The following PRKCZ variants were observed in gnomAD, a reference collection of about 807,000 sequenced individuals.
The protein encoded by PRKCZ is protein kinase C zeta.
Under a neutral mutation model 79.5 loss-of-function variants are expected in PRKCZ, and 33 were observed. The ratio of observed to expected loss-of-function variants is 0.41; its 90% CI spans 0.31 to 0.55. The LOEUF is 0.55. Ranked by LOEUF, PRKCZ falls within the 20% of genes least tolerant of loss-of-function variation. The pLI is 0.19. For synonymous variants in PRKCZ, 342 were observed against 320.9 expected (o/e 1.07, Z -0.70); for missense variants, 578 against 813.5 (o/e 0.71, Z 3.52).
At chr1:2,146,182 C>A in intron 7 of PRKCZ, 74 bp downstream of exon 7, 10 of 1,420,290 alleles carry the variant, frequency 7.0e-6, no homozygotes, top group Non-Finnish European at 9.9e-6. Flanking sequence ...CTTCTAGCCA[C>A]GAGTCCTTTC....
intron 8 of PRKCZ, 118 bp from the exon 9 acceptor site, chr1:2,150,672 A>G (rs569517278): frequency 2.9e-6 from 3 of 1,043,694 alleles, no homozygotes; most frequent in South Asian, 3.2e-5. Flanking sequence ...GACTCGAATC[A>G]TGAGGCCCTG....
rs72916809 is a variant in PRKCZ at position 2,103,147 on chromosome 1, C to T, written c.335-32115C>T. 5.6e-3 allele frequency among the ~76,000 whole-genome samples: 846 copies of T among 152,294 alleles called. 11 individuals carry two copies. Among genetic ancestry groups the T allele is most frequent in the African/African-American group, 0.02 (811 of 41,568 alleles). On this transcript the variant is annotated intron_variant, in intron 4 of 17. Coordinates refer to ENST00000378567, the MANE Select transcript of PRKCZ (RefSeq NM_002744.6). ...CCCAAAGTACTGGGAGCCACCACGCCGGGCTAGACTGTGGGGTTTTTGGGG... is the reference window on the plus strand; with the variant it reads ...CCCAAAGTACTGGGAGCCACCACGCTGGGCTAGACTGTGGGGTTTTTGGGG...
chr1:2,056,615 TC>T (rs751063953), intron 3 of PRKCZ, 42 bp downstream of exon 3: 2 of 1,560,556 alleles, frequency 1.3e-6, no homozygotes, highest in East Asian at 2.3e-5. Context: ...GGGGGGCTGT[TC>T]CTGGCTGTGG....
intron 10 of PRKCZ, among the ~76,000 whole-genome samples, chr1:2,167,059 G>T (rs1454921441): frequency 6.6e-6 from 1 of 152,230 alleles, no homozygotes; most frequent in Non-Finnish European, 1.5e-5. Context: ...GTCCTGGTGG[G>T]TTTTTGCTCT....
In PRKCZ at chr1:2,055,445, ATCT is replaced by A. The variant is rs1339282285; in HGVS notation, c.79_81del (p.Phe27del). On this transcript the variant is annotated inframe_deletion, in exon 2 of 18. Transcript: ENST00000378567. ...CCCATGTCCCCTCTGCCCCAGGGAC[ATCT>A]TCATCACCAGCGTGGACGCCGCCAC... 2 of 1,611,624 alleles carry A rather than the reference ATCT, an allele frequency of 1.2e-6. No homozygotes were observed. Among genetic ancestry groups the A allele is most frequent in the South Asian group, 1.1e-5 (1 of 90,866 alleles).
At chr1:2,104,632 G>T in intron 4 of PRKCZ, 1 of 968,550 alleles carries the variant, frequency 1.0e-6, no homozygotes, top group Non-Finnish European at 1.2e-6. Context: ...GTGGAGCCCA[G>T]GCAGGGAGCA....
At chr1:2,112,817 A>G (rs1467354042) in intron 4 of PRKCZ, among the ~76,000 whole-genome samples, 1 of 151,982 alleles carries the variant, frequency 6.6e-6, no homozygotes, top group African/African-American at 2.4e-5. Context: ...AGCCTCCCAA[A>G]TAGCTGGGAC....
At position 2,107,831 on chromosome 1, in the gene PRKCZ, G is replaced by A. The variant is rs560463586; in HGVS notation, c.335-27431G>A. On this transcript the variant is annotated intron_variant, in intron 4 of 17. Transcript: ENST00000378567. ...CGGGAGCCCCCAACACCCCAACAGC[G>A]TCCAGGGATTCCCCCCAGGGCAGTG... 1.2e-4 allele frequency among the ~76,000 whole-genome samples: 17 copies of A among 147,614 alleles called. No individual in the cohort carries two copies. The East Asian group carries it at 1.8e-3, about 15-fold the overall frequency.
chr1:2,144,348 G>T lies in PRKCZ; in HGVS notation c.552+7G>T. 6.4e-7 allele frequency: 1 copy of T among 1,567,164 alleles called. No individual in the cohort carries two copies. The highest frequency in any genetic ancestry group is 2.3e-5 in the East Asian group (1 of 43,282). On this transcript the variant is annotated splice_region_variant and intron_variant, in intron 6 of 17. Transcript: ENST00000378567. ...GACCTGCAGGAAGCATATGGTGAGT[G>T]GCAGGGCTGGGGAGGCCCGGGGGGC...
At position 2,127,161 on chromosome 1, in the gene PRKCZ, A is replaced by C. The variant is rs1345061640; in HGVS notation, c.335-8101A>C. ...CCTGGGCTGTGGCTGCCAGTCCCCA[A>C]AACAGACCCTGCGCCCCGGGCAACC... On this transcript the variant is annotated intron_variant, in intron 4 of 17. Coordinates refer to ENST00000378567, the MANE Select transcript of PRKCZ (RefSeq NM_002744.6). This position sits in a 1 kb window ranked among gnomAD's most constrained non-coding sequence, Gnocchi z 5.1. 6.6e-6 allele frequency among the ~76,000 whole-genome samples: 1 copy of C among 152,208 alleles called. No individual in the cohort carries two copies. Among genetic ancestry groups the C allele is most frequent in the African/African-American group, 2.4e-5 (1 of 41,450 alleles).
intron 16 of PRKCZ, among the ~76,000 whole-genome samples, chr1:2,181,504 G>T (rs770621595): frequency 6.6e-6 from 1 of 152,212 alleles, no homozygotes; most frequent in African/African-American, 2.4e-5. Flanking sequence ...TGGGTTGGGC[G>T]CAGGGGGCGG....
At chr1:2,066,104 A>T (rs536084439) in intron 4 of PRKCZ, among the ~76,000 whole-genome samples, 5 of 152,318 alleles carry the variant, frequency 3.3e-5, no homozygotes, top group Non-Finnish European at 7.3e-5. Context: ...GGACAATTAC[A>T]TCTGTGTTAA....
chr1:2,051,299 G>A (rs912773976), intron 1 of PRKCZ, among the ~76,000 whole-genome samples: 1 of 152,222 alleles, frequency 6.6e-6, no homozygotes, highest in African/African-American at 2.4e-5. Flanking sequence ...AGGGGGCGCG[G>A]TCAGGTGCTG....
chr1:2,071,967 T>C (rs1312329384), intron 4 of PRKCZ, among the ~76,000 whole-genome samples: 3 of 152,190 alleles, frequency 2.0e-5, no homozygotes, highest in Non-Finnish European at 4.4e-5. Flanking sequence ...TATAGACTCT[T>C]CCGGTGTTTC....
chr1:2,145,973 G>A, intron 6 of PRKCZ, 54 bp from the exon 7 acceptor site: 1 of 1,480,776 alleles, frequency 6.8e-7, no homozygotes, highest in Non-Finnish European at 9.4e-7. Context: ...AAGCTACATT[G>A]TAACACCTGC....
At chr1:2,159,473 C>T (rs543396624) in intron 10 of PRKCZ, among the ~76,000 whole-genome samples, 5 of 152,368 alleles carry the variant, frequency 3.3e-5, no homozygotes, top group South Asian at 2.1e-4. Flanking sequence ...TCGCTCTGGG[C>T]GGCCTCACAG....
At chr1:2,175,141 A>G (rs1685191701) in intron 15 of PRKCZ, 83 bp from the exon 16 acceptor site, 3 of 1,199,738 alleles carry the variant, frequency 2.5e-6, no homozygotes. Flanking sequence ...GCTTGTCAGC[A>G]CTGGGAGTGG....
In PRKCZ at chr1:2,073,333, G is replaced by C. The variant is rs16824680; in HGVS notation, c.334+13742G>C. 474 of 152,578 alleles carry C rather than the reference G, an allele frequency of 3.1e-3. 22 individuals carry two copies. In the East Asian group the frequency reaches 0.078, roughly 25 times the overall value. 9.5% of individuals were successfully genotyped at this position (152,578 alleles called of 1,614,324 possible). A position where few individuals can be genotyped will look rare whatever the true frequency, so the allele number is the denominator to read the frequency against. On this transcript the variant is annotated intron_variant, in intron 4 of 17. Transcript: ENST00000378567. ...AGGCCCCTATGCCTCCTCTCCTCCC[G>C]CTCCGTTCCTGGGCTGCGGGACAGT...
intron 5 of PRKCZ, among the ~76,000 whole-genome samples, 181 bp downstream of exon 5, chr1:2,135,528 C>T (rs1056702837): frequency 2.0e-5 from 3 of 152,198 alleles, no homozygotes; most frequent in Non-Finnish European, 4.4e-5. Flanking sequence ...CTGTCTGAGG[C>T]GGGAAGTGCC....
Sources: gnomAD v4.1 joint callset for allele counts (sites outside exome capture counted in the v4.1 genomes callset) on GRCh38, gnomAD v4.1.1 for gene constraint, Gnocchi (gnomAD v3.1) non-coding constraint, MANE v1.5 for transcripts, NCBI Gene and HGNC (gene_info 2026-07-23, HGNC 2026-07-21) for gene names.